Variants in ADGRG7 observed in about 807,000 individuals in gnomAD.
The protein encoded by ADGRG7 is G-protein coupled receptor 128.
ADGRG7 carries 82 observed loss-of-function variants against 88.6 expected under a neutral mutation model. That is an observed-to-expected ratio of 0.93 (90% CI 0.77 to 1.11). The LOEUF (loss-of-function observed/expected upper bound fraction) is 1.11. Ranked by LOEUF, ADGRG7 falls within the 50% of genes most tolerant of loss-of-function variation. ADGRG7 has a pLI of 0.00. For missense variants in ADGRG7, 945 were observed against 953.4 expected, an observed-to-expected ratio of 0.99 and a Z score of 0.12; for synonymous variants, 381 against 345.2, an observed-to-expected ratio of 1.10 and a Z score of -1.15.
At chr3:100,638,098 A>T (rs1707577003) in intron 6 of ADGRG7, among the ~76,000 whole-genome samples, 1 of 152,194 alleles carries the variant, frequency 6.6e-6, no homozygotes, top group African/African-American at 2.4e-5. Context: ...ACAACATTGC[A>T]TTATCAGCCC....
At chr3:100,646,228 G>GGGGGGT in intron 9 of ADGRG7, 120 bp downstream of exon 9, 3 of 199,620 alleles carry the variant, frequency 1.5e-5, no homozygotes, top group South Asian at 4.8e-5. Flanking sequence ...GGGGGGGAGG[G>GGGGGGT]TTTTCCATGA....
chr3:100,685,429 G>T (rs370378444), intron 15 of ADGRG7, among the ~76,000 whole-genome samples: 1 of 152,062 alleles, frequency 6.6e-6, no homozygotes, highest in South Asian at 2.1e-4. Flanking sequence ...CAACGTGCAG[G>T]TTTGTTACAT....
intron 1 of ADGRG7, 66 bp from the exon 2 acceptor site, chr3:100,629,532 C>A (rs1707428184): frequency 2.8e-6 from 3 of 1,086,050 alleles, no homozygotes; most frequent in Admixed American, 1.8e-5. Context: ...ATTAAGTGGC[C>A]ACAGGCATGA....
Position 100,694,918 on chromosome 3 carries a change from G to T in ADGRG7, c.2311G>T (p.Glu771Ter). The stretch of plus-strand genomic sequence containing the variant: ...CCTCAGGTCATTGCCAACCTTACAT[G>T]AACGCTTTAGGCTACTGGAAACCTC... ...NFLRSLPTLH[E>*]RFRLLETSPS... The change falls in exon 16 of 16, where the codon GAA becomes TAA. Residue 771 changes from glutamate (E) to a stop codon, truncating the protein, a stop_gained. Transcript: ENST00000273352. LOFTEE classifies it high-confidence loss of function. 6.2e-7 allele frequency: 1 copy of T among 1,614,158 alleles called. No individual in the cohort carries two copies. The highest frequency in any genetic ancestry group is 1.1e-5 in the South Asian group (1 of 91,084).
chr3:100,621,927 G>A (rs531529140), intron 1 of ADGRG7, among the ~76,000 whole-genome samples: 2 of 152,330 alleles, frequency 1.3e-5, no homozygotes, highest in East Asian at 3.9e-4. Context: ...TCATTCACCA[G>A]TGGTTTCGAG....
intron 1 of ADGRG7, among the ~76,000 whole-genome samples, chr3:100,623,627 GCA>G (rs1707342640): frequency 6.6e-6 from 1 of 152,122 alleles, no homozygotes; most frequent in South Asian, 2.1e-4. Context: ...GTGGTTTGCT[GCA>G]CCTATCAACT....
intron 14 of ADGRG7, among the ~76,000 whole-genome samples, chr3:100,666,426 A>G (rs2094951816): frequency 6.6e-6 from 1 of 152,218 alleles, no homozygotes; most frequent in Non-Finnish European, 1.5e-5. Context: ...CATCATAGAC[A>G]AGGTAAAGGA....
At chr3:100,656,395 C>T (rs1347112621) in intron 13 of ADGRG7, among the ~76,000 whole-genome samples, 4 of 152,242 alleles carry the variant, frequency 2.6e-5, no homozygotes, top group African/African-American at 7.2e-5. Context: ...AGTGTGAAAA[C>T]ATTTAATAAC....
chr3:100,673,151 T>G (rs1165345), intron 15 of ADGRG7, among the ~76,000 whole-genome samples: 138,638 of 152,130 alleles, frequency 0.91, 64,167 homozygotes, highest in Non-Finnish European at 1. Context: ...GCTCCTCTTT[T>G]TACCTCTGGT....
intron 14 of ADGRG7, among the ~76,000 whole-genome samples, chr3:100,665,953 T>C (rs931695407): frequency 6.6e-6 from 1 of 152,158 alleles, no homozygotes. Flanking sequence ...AACTTAATGG[T>C]GAAAAATGAC....
At chr3:100,666,517 C>T (rs2094951971) in intron 14 of ADGRG7, among the ~76,000 whole-genome samples, 1 of 152,254 alleles carries the variant, frequency 6.6e-6, no homozygotes, top group South Asian at 2.1e-4. Context: ...GCATGTCCCA[C>T]CTCAGCCCTA....
At chr3:100,671,346 T>A (rs1474476592) in intron 15 of ADGRG7, among the ~76,000 whole-genome samples, 2 of 152,240 alleles carry the variant, frequency 1.3e-5, no homozygotes, top group Non-Finnish European at 2.9e-5. Context: ...TTCATAAATG[T>A]CTTCCTTTGA....
At chr3:100,622,051 T>C (rs1360559258) in intron 1 of ADGRG7, among the ~76,000 whole-genome samples, 1 of 152,208 alleles carries the variant, frequency 6.6e-6, no homozygotes, top group African/African-American at 2.4e-5. Context: ...GATAATCTAA[T>C]GCTGCTGATC....
intron 1 of ADGRG7, among the ~76,000 whole-genome samples, chr3:100,611,077 A>G (rs1459165199): frequency 6.6e-6 from 1 of 152,226 alleles, no homozygotes; most frequent in Non-Finnish European, 1.5e-5. Flanking sequence ...CAGAACAAAA[A>G]TAGTAAAATT....
chr3:100,670,355 G>A (rs1438721056), intron 15 of ADGRG7, among the ~76,000 whole-genome samples: 1 of 152,088 alleles, frequency 6.6e-6, no homozygotes, highest in Non-Finnish European at 1.5e-5. Flanking sequence ...TCTTTTTAAT[G>A]GCTGAATAGT....
At chr3:100,689,788 G>C (rs1388405454) in intron 15 of ADGRG7, among the ~76,000 whole-genome samples, 3 of 152,116 alleles carry the variant, frequency 2.0e-5, no homozygotes, top group Non-Finnish European at 4.4e-5. Flanking sequence ...CCCAACCTTT[G>C]TCTCTGGCTG....
At chr3:100,625,907 G>A (rs1707373627) in intron 1 of ADGRG7, among the ~76,000 whole-genome samples, 1 of 152,208 alleles carries the variant, frequency 6.6e-6, no homozygotes, top group South Asian at 2.1e-4. Flanking sequence ...TAAGCTTTTT[G>A]ATGTGCTGCT....
intron 6 of ADGRG7, among the ~76,000 whole-genome samples, chr3:100,638,594 CA>C (rs2149021791): frequency 1.3e-5 from 2 of 152,208 alleles, no homozygotes; most frequent in South Asian, 4.2e-4. Context: ...AGTGGGTAAA[CA>C]GGGATTGAAG....
intron 1 of ADGRG7, among the ~76,000 whole-genome samples, chr3:100,612,334 A>G (rs1223786920): frequency 6.6e-6 from 1 of 152,168 alleles, no homozygotes; most frequent in Non-Finnish European, 1.5e-5. Flanking sequence ...TTATTATAAT[A>G]CCTATAGTTT....
Sources: allele counts gnomAD v4.1 joint callset (sites outside exome capture counted in the v4.1 genomes callset), GRCh38; gene constraint gnomAD v4.1.1; transcripts MANE v1.5; gene names NCBI Gene and HGNC (gene_info 2026-07-23, HGNC 2026-07-21).